The following AGMO variants were observed in gnomAD, a reference collection of about 807,000 sequenced individuals.
AGMO encodes glyceryl-ether monooxygenase.
Under a neutral mutation model 60.2 loss-of-function variants are expected in AGMO, and 75 were observed. The ratio of observed to expected loss-of-function variants is 1.25; its 90% CI spans 1.03 to 1.51. The LOEUF is 1.51. Among genes scored for constraint, AGMO ranks in the 40% most tolerant of loss-of-function variants. The pLI is 0.00. For synonymous variants in AGMO, 261 were observed against 177.1 expected (o/e 1.47, Z -3.76); for missense variants, 763 against 525.5 (o/e 1.45, Z -4.42).
intron 5 of AGMO, among the ~76,000 whole-genome samples, chr7:15,412,297 T>G (rs1780636317): frequency 6.6e-6 from 1 of 151,776 alleles, no homozygotes; most frequent in South Asian, 2.1e-4. Context: ...GAGTATAGAG[T>G]GTTGCTGAGA....
At chr7:15,248,185 T>TAC (rs1563053748) in intron 12 of AGMO, among the ~76,000 whole-genome samples, 2 of 42,792 alleles carry the variant, frequency 4.7e-5, no homozygotes, top group African/African-American at 1.3e-4. Flanking sequence ...GCACCATATA[T>TAC]ATATATATAT....
intron 9 of AGMO, 139 bp from the exon 10 acceptor site, chr7:15,385,701 T>G: frequency 1.5e-6 from 1 of 647,564 alleles, no homozygotes; most frequent in Non-Finnish European, 2.7e-6. Flanking sequence ...AATAGAAACA[T>G]GTCTAAGTTA....
chr7:15,424,739 T>C (rs934352095), intron 4 of AGMO, among the ~76,000 whole-genome samples: 1 of 152,184 alleles, frequency 6.6e-6, no homozygotes, highest in Non-Finnish European at 1.5e-5. Flanking sequence ...AAGGAATGCC[T>C]TGGAGTTCCG....
At chr7:15,237,463 T>C (rs1441910792) in intron 12 of AGMO, among the ~76,000 whole-genome samples, 3 of 152,078 alleles carry the variant, frequency 2.0e-5, no homozygotes, top group Non-Finnish European at 4.4e-5. Context: ...CTACAGAATA[T>C]ACTTCGGTTA....
At chr7:15,136,185 G>T in the AGMO span, among the ~76,000 whole-genome samples, 52 of 151,722 alleles carry the variant, frequency 3.4e-4, 2 homozygotes, top group East Asian at 9.5e-3. Context: ...TAGAGACAGG[G>T]TTTCTCCATG....
rs1784501117 is a variant in AGMO at position 15,399,583 on chromosome 7, C to T, written c.610-5404G>A. 2.0e-5 allele frequency among the ~76,000 whole-genome samples: 3 copies of T among 152,200 alleles called. No homozygotes were observed. The South Asian group carries it at 6.2e-4, about 32-fold the overall frequency. ...ATAAATATATAAATAATACAAATAA[C>T]AATTTTGTAACAGTAAGCTCCATGA... On this transcript the variant is annotated intron_variant, in intron 5 of 12. Transcript: ENST00000342526.
intron 12 of AGMO, among the ~76,000 whole-genome samples, chr7:15,322,945 CAT>C (rs1235624000): frequency 5.5e-5 from 7 of 127,018 alleles, no homozygotes; most frequent in South Asian, 2.5e-4. Flanking sequence ...TGTGTGTGTG[CAT>C]ATATATATAA....
intron 12 of AGMO, among the ~76,000 whole-genome samples, chr7:15,265,706 AG>A (rs1359319913): frequency 6.6e-6 from 1 of 152,080 alleles, no homozygotes; most frequent in African/African-American, 2.4e-5. Context: ...ATAGTGTAAA[AG>A]GCAACAGTCA....
rs1418907327 is a variant in AGMO at position 15,419,053 on chromosome 7, T to C, written c.514-400A>G. ...AGCTCCCAAATTCTGTATTATTACCTGGCATTTTCAATAATAATGTGAAAT... is the reference window on the plus strand; with the variant it reads ...AGCTCCCAAATTCTGTATTATTACCCGGCATTTTCAATAATAATGTGAAAT... On this transcript the variant is annotated intron_variant, in intron 4 of 12. Coordinates refer to ENST00000342526, the MANE Select transcript of AGMO (RefSeq NM_001004320.2). Among the ~76,000 whole-genome samples, 7 of 152,010 alleles carry C rather than the reference T, an allele frequency of 4.6e-5. No homozygotes were observed. In the East Asian group the frequency reaches 1.4e-3, roughly 29 times the overall value.
intron 12 of AGMO, among the ~76,000 whole-genome samples, chr7:15,330,199 TA>T (rs1781459002): frequency 6.6e-6 from 1 of 152,150 alleles, no homozygotes; most frequent in Non-Finnish European, 1.5e-5. Flanking sequence ...GTTTAAAAAG[TA>T]ATACATCCAT....
the AGMO span, among the ~76,000 whole-genome samples, chr7:15,171,871 T>C: frequency 2.6e-5 from 4 of 152,082 alleles, no homozygotes; most frequent in Admixed American, 1.3e-4. Flanking sequence ...TAAAGAATGA[T>C]AGAAATTATG....
chr7:15,352,475 G>A (rs1782281158), intron 12 of AGMO, among the ~76,000 whole-genome samples: 1 of 151,244 alleles, frequency 6.6e-6, no homozygotes, highest in African/African-American at 2.4e-5. Context: ...TTAGATCAGG[G>A]TGCAAAGGAA....
At chr7:15,389,298 A>G (rs113187272) in intron 8 of AGMO, among the ~76,000 whole-genome samples, 2,621 of 113,306 alleles carry the variant, frequency 0.023, 55 homozygotes, top group African/African-American at 0.083. Flanking sequence ...GAGGATAGAG[A>G]TGAAGGTGTC....
chr7:15,544,742 G>C lies in AGMO; in HGVS notation c.409+30C>G, dbSNP rs113406079. 11 of 1,526,340 alleles carry C rather than the reference G, an allele frequency of 7.2e-6. No homozygotes were observed. The African/African-American group carries it at 1.1e-4, about 15-fold the overall frequency. The allele number at this position is 1,526,340 out of a possible 1,614,324, so 94.5% of individuals were successfully genotyped here. ...ATGTACCAAACACAGTTCAACATAA[G>C]TTAACAAAAAGTCCTCATTTGCAGC... On this transcript the variant is annotated intron_variant, in intron 3 of 12. Transcript: ENST00000342526.
At chr7:15,180,670 C>G in the AGMO span, among the ~76,000 whole-genome samples, 4 of 152,280 alleles carry the variant, frequency 2.6e-5, no homozygotes, top group African/African-American at 7.2e-5. Context: ...TCTGTTCTTC[C>G]AAATTCTTCC....
intron 3 of AGMO, among the ~76,000 whole-genome samples, chr7:15,534,600 T>A (rs187477656): frequency 1.8e-4 from 28 of 152,080 alleles, no homozygotes; most frequent in Non-Finnish European, 2.5e-4. Context: ...TGTAGAGGCA[T>A]CTTATTAAAG....
the AGMO span, among the ~76,000 whole-genome samples, chr7:15,125,895 C>A: frequency 6.6e-6 from 1 of 152,218 alleles, no homozygotes. Flanking sequence ...ATATCTCCTA[C>A]ATTTAAAAAT....
intron 3 of AGMO, among the ~76,000 whole-genome samples, chr7:15,438,508 A>G (rs1562507738): frequency 1.3e-5 from 2 of 152,156 alleles, no homozygotes; most frequent in South Asian, 2.1e-4. Context: ...CAGAGACTAT[A>G]TTTTCTAGCC....
intron 2 of AGMO, among the ~76,000 whole-genome samples, chr7:15,549,176 T>C (rs1443423900): frequency 7.0e-6 from 1 of 142,770 alleles, no homozygotes; most frequent in Non-Finnish European, 1.5e-5. Context: ...GCGCTAAACA[T>C]GGAAAGGAAC....
Sources: allele counts gnomAD v4.1 joint callset (sites outside exome capture counted in the v4.1 genomes callset), GRCh38; gene constraint gnomAD v4.1.1; transcripts MANE v1.5; gene names NCBI Gene and HGNC (gene_info 2026-07-23, HGNC 2026-07-21).